ATG2A: variants seen among roughly 807,000 people sequenced by gnomAD.
ATG2A encodes the protein autophagy-related protein 2 homolog A.
A neutral mutation model predicts 214.2 loss-of-function variants in ATG2A; 103 were observed. The observed-to-expected ratio is 0.48, with a 90% confidence interval of 0.41 to 0.57. The LOEUF (loss-of-function observed/expected upper bound fraction) is 0.57, where lower values mean the gene tolerates loss of function less well. Ranked by LOEUF, ATG2A falls within the 20% of genes least tolerant of loss-of-function variation. The pLI, the probability that ATG2A is intolerant of heterozygous loss-of-function variation, is 0.00. For missense variants in ATG2A, 2,312 were observed against 2,613.2 expected (o/e 0.88, Z 2.51); for synonymous variants, 1,160 against 1,142.1 (o/e 1.02, Z -0.32).
At chr11:64,896,650 C>T (rs1373434470) in intron 38 of ATG2A, 34 bp from the exon 39 acceptor site, 1 of 1,607,606 alleles carries the variant, frequency 6.2e-7, no homozygotes, top group Admixed American at 1.7e-5. Flanking sequence ...ACACCCGAGG[C>T]TGCCCTGCCC....
At position 64,902,652 on chromosome 11, in the gene ATG2A, G is replaced by C; in HGVS notation, c.3641C>G (p.Ser1214Cys). The change falls in exon 27 of 41, where the codon TCC (serine) becomes TGC (cysteine). Residue 1214 changes from serine (S) to cysteine (C), a missense_variant. By Grantham distance (112) the Ser-to-Cys change is moderately radical. Coordinates refer to ENST00000377264, the MANE Select transcript of ATG2A (RefSeq NM_015104.3). ...LSQPLFELRC[S>C]NNVVHVHSCA... ...GCTGTGCACGTGTACCACATTGTTG[G>C]AGCAGCGCAGCTCGAATAGTGGCTG... 1 of 1,611,104 alleles carries C rather than the reference G, an allele frequency of 6.2e-7. No homozygotes were observed. Among genetic ancestry groups the C allele is most frequent in the Non-Finnish European group, 8.5e-7 (1 of 1,179,772 alleles).
In ATG2A at chr11:64,906,426, G is replaced by A. The variant is rs765389654; in HGVS notation, c.3091C>T (p.Arg1031Trp). ...IYPSEEGVTE[R>W]GASGRKGQGR... Reference sequence around the variant, plus strand: ...TGGCCCTTGCGGCCCGAGGCTCCCCGCTCGGTCACCCCTTCCTCCGATGGG... The same window carrying A: ...TGGCCCTTGCGGCCCGAGGCTCCCCACTCGGTCACCCCTTCCTCCGATGGG... The change falls in exon 21 of 41, where the codon CGG (arginine) becomes TGG (tryptophan). Residue 1031 changes from arginine (R) to tryptophan (W), a missense_variant. Arg to Trp is a moderately radical substitution (Grantham distance 101, BLOSUM62 -3). Coordinates refer to ENST00000377264, the MANE Select transcript of ATG2A (RefSeq NM_015104.3). The A allele has an allele frequency of 4.3e-6, 7 of 1,613,180 alleles. No homozygotes were observed. Among genetic ancestry groups the A allele is most frequent in the East Asian group, 2.2e-5 (1 of 44,878 alleles).
chr11:64,916,815 C>T (rs1945004168), intron 1 of ATG2A, 150 bp downstream of exon 1: 8 of 1,024,582 alleles, frequency 7.8e-6, no homozygotes, highest in Non-Finnish European at 1.1e-5. Context: ...AGAGGCCAGC[C>T]GGGGTGCCTC....
chr11:64,916,894 T>A, intron 1 of ATG2A, 71 bp downstream of exon 1: 1 of 1,581,622 alleles, frequency 6.3e-7, no homozygotes, highest in Non-Finnish European at 8.6e-7. Flanking sequence ...AGCCCGATCC[T>A]GCCGCAGGGA....
chr11:64,907,196 G>T, intron 19 of ATG2A, 59 bp downstream of exon 19: 1 of 1,447,212 alleles, frequency 6.9e-7, no homozygotes, highest in African/African-American at 1.4e-5. Context: ...CGCTGGTCTT[G>T]CTCTGCCGCC....
intron 37 of ATG2A, 133 bp downstream of exon 37, chr11:64,897,279 G>T: frequency 1.9e-6 from 2 of 1,073,938 alleles, no homozygotes; most frequent in Non-Finnish European, 1.3e-6. Context: ...CCAGCCAACT[G>T]CGTCCTTTTT....
At chr11:64,908,678 G>A (rs1301019925) in intron 16 of ATG2A, among the ~76,000 whole-genome samples, 1 of 152,222 alleles carries the variant, frequency 6.6e-6, no homozygotes, top group Non-Finnish European at 1.5e-5. Flanking sequence ...GTCACCAAGT[G>A]GCAGAGCCTG....
At chr11:64,897,517 G>A in intron 36 of ATG2A, 23 bp from the exon 37 acceptor site, 1 of 1,586,284 alleles carries the variant, frequency 6.3e-7, no homozygotes, top group East Asian at 2.3e-5. Context: ...GGGGGTCCAG[G>A]TTTACCCAAT....
At chr11:64,899,913 C>T (rs574569932) in intron 31 of ATG2A, among the ~76,000 whole-genome samples, 27 of 150,420 alleles carry the variant, frequency 1.8e-4, no homozygotes, top group African/African-American at 6.4e-4. Context: ...GGCTGGAATG[C>T]AATAGGGCGA....
In ATG2A at chr11:64,911,970, G is replaced by A; in HGVS notation, c.1100C>T (p.Ser367Phe). The A allele has an allele frequency of 6.2e-7, 1 of 1,613,824 alleles. No individual in the cohort carries two copies. Among genetic ancestry groups the A allele is most frequent in the Non-Finnish European group, 8.5e-7 (1 of 1,179,846 alleles). ...CACACTGCTTGTGAGGCCAGCCATG[G>A]AGAAGAAGAGGTCTGTGGGTGAAGT... is the stretch of plus-strand genomic sequence containing the variant. ...LNLDNTDLFFSMAGLTSSVAS... is the reference protein window; with the variant it reads ...LNLDNTDLFFFMAGLTSSVAS... Residue 367 changes from serine (S) to phenylalanine (F), a missense_variant, in exon 9 of 41, where the codon TCC (serine) becomes TTC (phenylalanine). By Grantham distance (155) the Ser-to-Phe change is radical. Transcript: ENST00000377264.
At chr11:64,900,322 T>C (rs1226847910) in intron 31 of ATG2A, among the ~76,000 whole-genome samples, 172 bp downstream of exon 31, 1 of 152,074 alleles carries the variant, frequency 6.6e-6, no homozygotes, top group East Asian at 1.9e-4. Context: ...GACTCTCCCC[T>C]GAGCGCTCTT....
At chr11:64,909,559 GCTGGTAAAGGC>G (rs1944683754) in intron 14 of ATG2A, 111 bp downstream of exon 14, 2 of 1,504,152 alleles carry the variant, frequency 1.3e-6, no homozygotes, top group Non-Finnish European at 1.8e-6. Flanking sequence ...GACCCCAAGA[GCTGGTAAAGGC>G]CTGGGCCAGG....
At chr11:64,912,538 CTG>C in intron 6 of ATG2A, 115 bp from the exon 7 acceptor site, 1 of 810,626 alleles carries the variant, frequency 1.2e-6, no homozygotes. Flanking sequence ...AAACTAAACT[CTG>C]TTACCAACTA....
intron 14 of ATG2A, 22 bp from the exon 15 acceptor site, chr11:64,909,389 G>A (rs1198452592): frequency 1.2e-6 from 2 of 1,603,330 alleles, no homozygotes; most frequent in Middle Eastern, 1.9e-4. Context: ...TGGGGAATTA[G>A]GGGGGTCATC....
intron 30 of ATG2A, 108 bp downstream of exon 30, chr11:64,900,776 C>T: frequency 2.8e-6 from 4 of 1,438,186 alleles, no homozygotes; most frequent in East Asian, 2.5e-5. Context: ...GAAACTGAGG[C>T]CCACCTGGGG....
At chr11:64,897,285 T>C (rs1944186972) in intron 37 of ATG2A, 127 bp downstream of exon 37, 1 of 1,178,684 alleles carries the variant, frequency 8.5e-7, no homozygotes. Flanking sequence ...AACTGCGTCC[T>C]TTTTACAGAG....
Position 64,909,120 on chromosome 11 carries a change from G to C in ATG2A, c.2235C>G (p.Ser745Arg). The C allele has an allele frequency of 6.2e-7, 1 of 1,612,052 alleles. No homozygotes were observed. Among genetic ancestry groups the C allele is most frequent in the Non-Finnish European group, 8.5e-7 (1 of 1,179,436 alleles). Residue 745 changes from serine (S) to arginine (R), a missense_variant, in exon 16 of 41, where the codon AGC becomes AGG. Coordinates refer to ENST00000377264, the MANE Select transcript of ATG2A (RefSeq NM_015104.3). ...CCGGGGCCACCTCCCACTGTGTGCT[G>C]CTGGACTGGGGGTTCACAGTCACCA... ...QVVVTVNPQSSSTQWEVAPEK... is the reference protein window; with the variant it reads ...QVVVTVNPQSRSTQWEVAPEK...
intron 9 of ATG2A, 110 bp downstream of exon 9, chr11:64,911,732 G>C (rs1379140573): frequency 6.9e-7 from 1 of 1,448,112 alleles, no homozygotes; most frequent in African/African-American, 1.4e-5. Flanking sequence ...ACAGATGGTA[G>C]ATATCCAGGC....
intron 19 of ATG2A, 51 bp downstream of exon 19, chr11:64,907,204 G>A (rs34944753): frequency 0.27 from 391,598 of 1,451,644 alleles, 54,931 homozygotes; most frequent in East Asian, 0.48. Context: ...TTGCTCTGCC[G>A]CCAATGGGAG....
Sources: allele counts gnomAD v4.1 joint callset (sites outside exome capture counted in the v4.1 genomes callset), GRCh38; gene constraint gnomAD v4.1.1; transcripts MANE v1.5; gene names NCBI Gene and HGNC (gene_info 2026-07-23, HGNC 2026-07-21).